CNTLN: variants seen among roughly 807,000 people sequenced by gnomAD.
The protein encoded by CNTLN is centlein, centrosomal protein.
Under a neutral mutation model 180.0 loss-of-function variants are expected in CNTLN, and 212 were observed. That is an observed-to-expected ratio of 1.18 (90% CI 1.05 to 1.32). The LOEUF is 1.32. CNTLN is among the 40% of genes most tolerant of loss of function. The pLI, the probability that CNTLN is intolerant of heterozygous loss-of-function variation, is 0.00. For synonymous variants in CNTLN, 722 were observed against 563.1 expected, an observed-to-expected ratio of 1.28 and a Z score of -3.99; for missense variants, 2,095 against 1,610.9, an observed-to-expected ratio of 1.30 and a Z score of -5.14.
intron 13 of CNTLN, among the ~76,000 whole-genome samples, chr9:17,369,970 A>C (rs1430686534): frequency 6.6e-6 from 1 of 151,298 alleles, no homozygotes; most frequent in Non-Finnish European, 1.5e-5. Flanking sequence ...CTGGTGACAA[A>C]GCGAGACTCC....
chr9:17,176,471 T>G (rs1314276689), intron 2 of CNTLN, among the ~76,000 whole-genome samples: 1 of 152,208 alleles, frequency 6.6e-6, no homozygotes, highest in Non-Finnish European at 1.5e-5. Flanking sequence ...CAATTATACA[T>G]TGCTAAATAC....
At chr9:17,209,928 AT>A (rs1418298818) in intron 2 of CNTLN, among the ~76,000 whole-genome samples, 1 of 152,208 alleles carries the variant, frequency 6.6e-6, no homozygotes, top group Non-Finnish European at 1.5e-5. Context: ...ATATTTTTCC[AT>A]CTTTATGGAT....
Position 17,409,449 on chromosome 9 carries a change from A to C in CNTLN, c.2772A>C (p.Leu924Phe). 1 of 1,602,866 alleles carries C rather than the reference A, an allele frequency of 6.2e-7. No individual in the cohort carries two copies. The highest frequency in any genetic ancestry group is 8.5e-7 in the Non-Finnish European group (1 of 1,177,156). ...GAAAAGAAATAGTACAGACATATTT[A>C]AATATAGATGGCAAGACCCCAAAGG... ...TQGKEIVQTYLNIDGKTPKDY... is the reference protein window; with the variant it reads ...TQGKEIVQTYFNIDGKTPKDY... Residue 924 changes from leucine (L) to phenylalanine (F), a missense_variant, in exon 16 of 26, where the codon TTA (leucine) becomes TTC (phenylalanine). By Grantham distance (22) the Leu-to-Phe change is conservative. Transcript: ENST00000380647.
chr9:17,502,060 A>G (rs1305511734), intron 25 of CNTLN, among the ~76,000 whole-genome samples: 1 of 151,834 alleles, frequency 6.6e-6, no homozygotes, highest in Non-Finnish European at 1.5e-5. Flanking sequence ...AACTTAATCA[A>G]TGGGTATACT....
intron 2 of CNTLN, among the ~76,000 whole-genome samples, chr9:17,211,328 CTTGTTT>C (rs1462977747): frequency 2.0e-5 from 3 of 152,102 alleles, no homozygotes; most frequent in Non-Finnish European, 4.4e-5. Flanking sequence ...TTCCCCATTT[CTTGTTT>C]TTGTCAGGTT....
At chr9:17,478,178 T>A (rs540027892) in intron 23 of CNTLN, among the ~76,000 whole-genome samples, 2 of 152,388 alleles carry the variant, frequency 1.3e-5, no homozygotes, top group South Asian at 4.1e-4. Context: ...ATTGAATGCT[T>A]ATAAACATAA....
At chr9:17,315,527 C>G (rs1473590325) in intron 8 of CNTLN, among the ~76,000 whole-genome samples, 1 of 151,986 alleles carries the variant, frequency 6.6e-6, no homozygotes, top group Non-Finnish European at 1.5e-5. Flanking sequence ...TTTCTTCATT[C>G]TTAGAAAATT....
chr9:17,236,352 T>C (rs1745216725), intron 4 of CNTLN, 57 bp from the exon 5 acceptor site: 2 of 1,409,104 alleles, frequency 1.4e-6, no homozygotes, highest in Admixed American at 5.0e-5. Flanking sequence ...TCACCATTTT[T>C]TGGGTTTTTT....
chr9:17,258,903 A>T (rs1826725559), intron 5 of CNTLN, among the ~76,000 whole-genome samples: 1 of 145,964 alleles, frequency 6.9e-6, no homozygotes, highest in Admixed American at 6.8e-5. Context: ...CTAGATATAC[A>T]TTCATGTCAT....
At chr9:17,379,518 C>A (rs1425573083) in intron 13 of CNTLN, among the ~76,000 whole-genome samples, 1 of 152,134 alleles carries the variant, frequency 6.6e-6, no homozygotes, top group East Asian at 1.9e-4. Flanking sequence ...TGGAAGCTCT[C>A]TGTAAGCAGT....
intron 5 of CNTLN, among the ~76,000 whole-genome samples, chr9:17,264,912 G>T (rs1275266549): frequency 1.3e-5 from 2 of 150,204 alleles, no homozygotes; most frequent in African/African-American, 5.0e-5. Flanking sequence ...CTTTGCCGAA[G>T]TTGCTCATCA....
rs1380705575 is a variant in CNTLN at position 17,401,883 on chromosome 9, GA to G, written c.2615+6819del. The stretch of plus-strand genomic sequence containing the variant: ...GAGTTAAAAGTCAAATGACTAACCA[GA>G]AAAAGGTATTTACAACACATAAAGA... On this transcript the variant is annotated intron_variant, in intron 15 of 25. Coordinates refer to ENST00000380647, the MANE Select transcript of CNTLN (RefSeq NM_017738.4). Among the ~76,000 whole-genome samples, 19 of 150,150 alleles carry G rather than the reference GA, an allele frequency of 1.3e-4. No homozygotes were observed. In the East Asian group the frequency reaches 1.9e-3, roughly 15 times the overall value.
At chr9:17,177,752 G>GCTT in intron 2 of CNTLN, among the ~76,000 whole-genome samples, 1 of 152,136 alleles carries the variant, frequency 6.6e-6, no homozygotes, top group Admixed American at 6.5e-5. Context: ...CGCGGTGAGT[G>GCTT]TTACAGCTCA....
At chr9:17,269,011 C>T (rs529900647) in intron 5 of CNTLN, among the ~76,000 whole-genome samples, 46 of 152,232 alleles carry the variant, frequency 3.0e-4, no homozygotes, top group Non-Finnish European at 2.1e-4. Flanking sequence ...CCTCGCCCTG[C>T]TCTGGCTAGC....
At chr9:17,494,861 A>G (rs975308490) in intron 25 of CNTLN, 6 of 396,864 alleles carry the variant, frequency 1.5e-5, no homozygotes, top group Admixed American at 1.3e-4. Context: ...TAGTTTATGT[A>G]TTTACTATAC....
chr9:17,466,471 T>C (rs1319881238), intron 22 of CNTLN, among the ~76,000 whole-genome samples: 3 of 151,482 alleles, frequency 2.0e-5, no homozygotes, highest in Non-Finnish European at 4.4e-5. Context: ...ATAGCTTCCA[T>C]GCTTTTAATT....
intron 13 of CNTLN, among the ~76,000 whole-genome samples, chr9:17,375,541 T>G (rs933046933): frequency 3.9e-5 from 6 of 152,202 alleles, no homozygotes; most frequent in Non-Finnish European, 5.9e-5. Context: ...TTCTAGAGAT[T>G]ATTTTATAAG....
chr9:17,183,852 A>G (rs1480178071), intron 2 of CNTLN, among the ~76,000 whole-genome samples: 1 of 152,074 alleles, frequency 6.6e-6, no homozygotes, highest in East Asian at 1.9e-4. Context: ...TGCATAGTAA[A>G]GATAGTATTA....
chr9:17,444,974 A>G (rs1191985265), intron 18 of CNTLN, among the ~76,000 whole-genome samples: 1 of 152,096 alleles, frequency 6.6e-6, no homozygotes, highest in Non-Finnish European at 1.5e-5. Flanking sequence ...TTTCTACTCT[A>G]TGCTATGAAA....
Sources: gnomAD v4.1 joint callset for allele counts (sites outside exome capture counted in the v4.1 genomes callset) on GRCh38, gnomAD v4.1.1 for gene constraint, MANE v1.5 for transcripts, NCBI Gene and HGNC (gene_info 2026-07-23, HGNC 2026-07-21) for gene names.